Variants in RYR2 observed in about 807,000 individuals in gnomAD.
RYR2 encodes the protein cardiac muscle ryanodine receptor-calcium release channel.
A neutral mutation model predicts 601.1 loss-of-function variants in RYR2; 227 were observed. That is an observed-to-expected ratio of 0.38 (90% CI 0.34 to 0.42). The LOEUF (loss-of-function observed/expected upper bound fraction) is 0.42, where lower values mean the gene tolerates loss of function less well. Ranked by LOEUF, RYR2 falls within the 10% of genes least tolerant of loss-of-function variation. RYR2 has a pLI of 1.00. For missense variants in RYR2, 4,646 were observed against 6,156.5 expected (o/e 0.75, Z 8.21); for synonymous variants, 2,223 against 2,175.1 (o/e 1.02, Z -0.61).
At chr1:237,456,259 A>G (rs56850445) in intron 15 of RYR2, among the ~76,000 whole-genome samples, 4,224 of 152,286 alleles carry the variant, frequency 0.028, 82 homozygotes, top group East Asian at 0.063. Flanking sequence ...TATATCTTTA[A>G]GAATAATAAT....
At chr1:237,801,965 G>A in intron 98 of RYR2, 49 bp downstream of exon 98, 2 of 1,116,166 alleles carry the variant, frequency 1.8e-6, no homozygotes, top group Non-Finnish European at 2.7e-6. Context: ...GATTAGATAA[G>A]ACTGTGGGAG....
intron 24 of RYR2, among the ~76,000 whole-genome samples, chr1:237,525,456 GTTT>G (rs368011763): frequency 1.8e-4 from 12 of 66,210 alleles, no homozygotes; most frequent in African/African-American, 3.4e-4. Flanking sequence ...TTGTTTGTTT[GTTT>G]TTTGTTTTTT....
intron 99 of RYR2, among the ~76,000 whole-genome samples, chr1:237,806,963 G>A (rs1413311611): frequency 6.6e-6 from 1 of 152,150 alleles, no homozygotes; most frequent in East Asian, 1.9e-4. Context: ...CCACTGGGTG[G>A]CGACATATTC....
At chr1:237,501,997 G>C (rs1241866396) in intron 21 of RYR2, among the ~76,000 whole-genome samples, 1 of 151,954 alleles carries the variant, frequency 6.6e-6, no homozygotes, top group African/African-American at 2.4e-5. Flanking sequence ...GTTTTGTTTT[G>C]TTTTGTTTCT....
rs372012886 is a variant in RYR2 at position 237,273,383 on chromosome 1, T to A, written c.168+2767T>A. Among the ~76,000 whole-genome samples the A allele has an allele frequency of 1.1e-4, 17 of 152,304 alleles. No individual in the cohort carries two copies. The East Asian group carries it at 2.1e-3, about 19-fold the overall frequency. The stretch of plus-strand genomic sequence containing the variant: ...AGCTTGCCTGCTGCTCACTTCCGGC[T>A]CTGTGGCCTGGTTCCTAAGGGGCCA... On this transcript the variant is annotated intron_variant, in intron 2 of 104. Coordinates refer to ENST00000366574, the MANE Select transcript of RYR2 (RefSeq NM_001035.3).
At chr1:237,262,176 A>G (rs1187546063) in intron 1 of RYR2, among the ~76,000 whole-genome samples, 1 of 151,542 alleles carries the variant, frequency 6.6e-6, no homozygotes, top group African/African-American at 2.4e-5. Context: ...TACTCATCAC[A>G]AAATTGTCAG....
intron 6 of RYR2, among the ~76,000 whole-genome samples, chr1:237,373,116 C>A (rs955612567): frequency 6.6e-6 from 1 of 152,092 alleles, no homozygotes; most frequent in African/African-American, 2.4e-5. Flanking sequence ...AAGTTGTTAC[C>A]TTTTTAAAAA....
chr1:237,808,388 C>G (rs905130507), intron 99 of RYR2, among the ~76,000 whole-genome samples: 1 of 152,012 alleles, frequency 6.6e-6, no homozygotes, highest in Non-Finnish European at 1.5e-5. Flanking sequence ...GGGCCGGGCA[C>G]GGTGGCTCAC....
rs1690263471 is a variant in RYR2, at chr1:237,727,092, A to G, written c.10731A>G (p.Glu3577=). The G allele has an allele frequency of 5.2e-6, 8 of 1,523,890 alleles. No individual in the cohort carries two copies. The East Asian group carries it at 1.6e-4, about 30-fold the overall frequency. 94.4% of individuals were successfully genotyped at this position (1,523,890 alleles called of 1,614,324 possible). ...TTTGTGTCATTCTACCTCAGGTGGA[A>G]CATCCTCAGAGATCTAAAAAGGCTG... ...RVGRRHYCLV[E]HPQRSKKAVW... Residue 3577 remains glutamate (E), a synonymous_variant, in exon 76 of 105, where the codon GAA becomes GAG. Transcript: ENST00000366574.
chr1:237,128,093 C>A (rs1460099331), intron 1 of RYR2, among the ~76,000 whole-genome samples: 1 of 152,056 alleles, frequency 6.6e-6, no homozygotes. Context: ...AGCCTGGGCA[C>A]CATTGAGCAC....
At chr1:237,079,775 C>G (rs1371290324) in intron 1 of RYR2, among the ~76,000 whole-genome samples, 1 of 142,676 alleles carries the variant, frequency 7.0e-6, no homozygotes, top group Non-Finnish European at 1.5e-5. Context: ...TTGGAAAAAA[C>G]TACTTTAAAG....
chr1:237,642,098 G>A lies in RYR2; in HGVS notation c.7221+1096G>A, dbSNP rs182378345. On this transcript the variant is annotated intron_variant, in intron 47 of 104. Transcript: ENST00000366574. ...ATTGGTGCTGGGGTAGTTAAGAACTGTAAGTATATTTCTAAAGTGGGATGA... is the reference window on the plus strand; with the variant it reads ...ATTGGTGCTGGGGTAGTTAAGAACTATAAGTATATTTCTAAAGTGGGATGA... Among the ~76,000 whole-genome samples, 14 of 152,314 alleles carry A rather than the reference G, an allele frequency of 9.2e-5. No homozygotes were observed. In the East Asian group the frequency reaches 2.7e-3, roughly 29 times the overall value.
intron 35 of RYR2, among the ~76,000 whole-genome samples, chr1:237,608,881 T>C (rs1677467844): frequency 6.6e-6 from 1 of 151,024 alleles, no homozygotes; most frequent in South Asian, 2.1e-4. Context: ...CAGTCATCTA[T>C]TGACTATTGA....
At chr1:237,479,043 T>A (rs1661732862) in intron 17 of RYR2, among the ~76,000 whole-genome samples, 1 of 152,216 alleles carries the variant, frequency 6.6e-6, no homozygotes, top group African/African-American at 2.4e-5. Flanking sequence ...GCCTCCCTTG[T>A]GGCTTTACTA....
At chr1:237,445,375 A>C in intron 13 of RYR2, 26 bp from the exon 14 acceptor site, 1 of 1,612,390 alleles carries the variant, frequency 6.2e-7, no homozygotes, top group East Asian at 2.2e-5. Context: ...GTTGGGAGTA[A>C]TGGCCTTATT....
At chr1:237,213,332 C>T (rs1012008140) in intron 1 of RYR2, among the ~76,000 whole-genome samples, 1 of 152,016 alleles carries the variant, frequency 6.6e-6, no homozygotes, top group African/African-American at 2.4e-5. Context: ...CATGCACCAC[C>T]ACACCCAGCT....
intron 1 of RYR2, among the ~76,000 whole-genome samples, chr1:237,149,277 G>T (rs1674422550): frequency 6.6e-6 from 1 of 151,650 alleles, no homozygotes; most frequent in Non-Finnish European, 1.5e-5. Context: ...TGAGCAACAT[G>T]CTGAGACCCC....
chr1:237,182,358 G>T (rs1259061448), intron 1 of RYR2, among the ~76,000 whole-genome samples: 1 of 152,002 alleles, frequency 6.6e-6, no homozygotes, highest in Non-Finnish European at 1.5e-5. Flanking sequence ...CTGACCTCGT[G>T]ATCCACCTGC....
intron 16 of RYR2, among the ~76,000 whole-genome samples, chr1:237,468,202 C>T (rs978233985): frequency 2.0e-4 from 30 of 152,280 alleles, no homozygotes; most frequent in Non-Finnish European, 2.6e-4. Flanking sequence ...ACATCTTTCT[C>T]TCTTTAAATA....
Sources: gnomAD v4.1 joint callset for allele counts (sites outside exome capture counted in the v4.1 genomes callset) on GRCh38, gnomAD v4.1.1 for gene constraint, MANE v1.5 for transcripts, NCBI Gene and HGNC (gene_info 2026-07-23, HGNC 2026-07-21) for gene names.